RNF34: variants seen among roughly 807,000 people sequenced by gnomAD.
The protein encoded by RNF34 is ring finger protein 34.
RNF34 carries 12 observed loss-of-function variants against 37.9 expected under a neutral mutation model. That is an observed-to-expected ratio of 0.32 (90% CI 0.20 to 0.51). The LOEUF (loss-of-function observed/expected upper bound fraction) is 0.51. RNF34 is among the 20% of genes least tolerant of loss of function. The pLI, the probability that RNF34 is intolerant of heterozygous loss-of-function variation, is 0.97. For synonymous variants in RNF34, 155 were observed against 177.2 expected (o/e 0.87, Z 1.00); for missense variants, 362 against 472.7 (o/e 0.77, Z 2.17).
At chr12:121,422,929 C>T (rs1231967875) in intron 5 of RNF34, among the ~76,000 whole-genome samples, 1 of 152,098 alleles carries the variant, frequency 6.6e-6, no homozygotes, top group Non-Finnish European at 1.5e-5. Flanking sequence ...GGAACTAAGG[C>T]TCCTTTTCCT....
intron 5 of RNF34, 38 bp downstream of exon 5, chr12:121,420,816 T>G: frequency 2.0e-6 from 3 of 1,509,394 alleles, no homozygotes; most frequent in Non-Finnish European, 2.7e-6. Flanking sequence ...GTAGTATTTT[T>G]CCTTAGGCTT....
intron 5 of RNF34, among the ~76,000 whole-genome samples, chr12:121,421,671 AT>A (rs1385786933): frequency 6.6e-6 from 1 of 152,152 alleles, no homozygotes; most frequent in Non-Finnish European, 1.5e-5. Flanking sequence ...AGTTGTATTT[AT>A]TTTTTTCTTT....
intron 5 of RNF34, among the ~76,000 whole-genome samples, chr12:121,421,620 G>A (rs757030775): frequency 1.9e-4 from 29 of 152,046 alleles, no homozygotes; most frequent in Admixed American, 5.2e-4. Context: ...CTGGTAACAC[G>A]ATCAAGCCAC....
At chr12:121,420,068 C>T in intron 3 of RNF34, 174 bp from the exon 4 acceptor site, 1 of 547,202 alleles carries the variant, frequency 1.8e-6, no homozygotes. Flanking sequence ...AAGGTAGGTT[C>T]TTCATGCAAT....
At chr12:121,402,771 A>C in intron 1 of RNF34, 1 of 1,608,614 alleles carries the variant, frequency 6.2e-7, no homozygotes, top group Non-Finnish European at 8.5e-7. Context: ...GATCAAGTAT[A>C]CTGTTAAAAG....
intron 1 of RNF34, 32 bp downstream of exon 1, chr12:121,400,250 C>G: frequency 6.2e-7 from 1 of 1,605,044 alleles, no homozygotes; most frequent in Non-Finnish European, 8.5e-7. Context: ...ACAGACCCTC[C>G]TCGCCAATCC....
rs1555279796 is a variant in RNF34 at position 121,400,125 on chromosome 12, G to C, written c.-88G>C. On this transcript the variant is annotated 5_prime_UTR_variant, in exon 1 of 6. Transcript: ENST00000361234. ...CGCCTCCCGGGGCGCGGTAATCACCGCCCAGAGGGAAGGAGGTCGGCAGTG... is the reference window on the plus strand; with the variant it reads ...CGCCTCCCGGGGCGCGGTAATCACCCCCCAGAGGGAAGGAGGTCGGCAGTG... 1 of 1,493,790 alleles carries C rather than the reference G, an allele frequency of 6.7e-7. No individual in the cohort carries two copies. Among genetic ancestry groups the C allele is most frequent in the East Asian group, 2.5e-5 (1 of 40,472 alleles). 92.5% of individuals were successfully genotyped at this position (1,493,790 alleles called of 1,614,324 possible).
Position 121,417,599 on chromosome 12 carries a change from G to A in RNF34, c.321G>A (p.Glu107=). The A allele has an allele frequency of 1.2e-6, 2 of 1,614,216 alleles. No homozygotes were observed. The highest frequency in any genetic ancestry group is 1.1e-5 in the South Asian group (1 of 91,090). ...RRCSTCHLLQ[E]TAFQRPQLMR... ...GTTCTACTTGTCACTTATTACAAGAGACAGCATTTCAGCGCCCTCAGTTAA... is the reference window on the plus strand; with the variant it reads ...GTTCTACTTGTCACTTATTACAAGAAACAGCATTTCAGCGCCCTCAGTTAA... Residue 107 remains glutamate, a synonymous_variant, in exon 3 of 6, where the codon GAG becomes GAA. Coordinates refer to ENST00000361234, the MANE Select transcript of RNF34 (RefSeq NM_025126.4). The surrounding 1 kb of genome is among the most constrained non-coding windows in gnomAD (Gnocchi z 5.0).
chr12:121,420,232 A>C lies in RNF34; in HGVS notation c.634-10A>C. The stretch of plus-strand genomic sequence containing the variant: ...TTCCTGACCTAATCAGATACGTTGT[A>C]TAAGTGTAGGTACAAAGTGAAATCA... On this transcript the variant is annotated splice_polypyrimidine_tract_variant and intron_variant, in intron 3 of 5. Coordinates refer to ENST00000361234, the MANE Select transcript of RNF34 (RefSeq NM_025126.4). The C allele has an allele frequency of 6.2e-7, 1 of 1,609,514 alleles. No homozygotes were observed. Among genetic ancestry groups the C allele is most frequent in the African/African-American group, 1.3e-5 (1 of 74,908 alleles).
chr12:121,401,460 G>A lies in RNF34; in HGVS notation c.6+1242G>A, dbSNP rs564026513. The stretch of plus-strand genomic sequence containing the variant: ...TTTTGGAATAGGTAACTTTGGAACT[G>A]TGCCTTGAAGTATGAGGATATTGTA... On this transcript the variant is annotated intron_variant, in intron 1 of 5. Transcript: ENST00000361234. Among the ~76,000 whole-genome samples the A allele has an allele frequency of 4.0e-5, 6 of 151,134 alleles. No individual in the cohort carries two copies. The East Asian group carries it at 9.7e-4, about 24-fold the overall frequency.
chr12:121,418,155 T>A (rs1050469316), intron 3 of RNF34: 7 of 507,860 alleles, frequency 1.4e-5, no homozygotes, highest in African/African-American at 1.3e-4. Flanking sequence ...CTCTTGGCCT[T>A]AGTTAATTTC....
intron 3 of RNF34, 50 bp from the exon 4 acceptor site, chr12:121,420,192 A>G (rs1871988375): frequency 6.4e-7 from 1 of 1,571,548 alleles, no homozygotes; most frequent in Non-Finnish European, 8.7e-7. Flanking sequence ...TTCTCTAGTG[A>G]TAAATACAGA....
At chr12:121,409,855 G>A (rs1870878208) in intron 1 of RNF34, 1 of 152,170 alleles carries the variant, frequency 6.6e-6, no homozygotes, top group South Asian at 2.1e-4. Flanking sequence ...TAAAATGAAT[G>A]TAAAGAAATT....
At position 121,417,447 on chromosome 12, in the gene RNF34, C is replaced by A; in HGVS notation, c.226-57C>A. On this transcript the variant is annotated intron_variant, in intron 2 of 5. Transcript: ENST00000361234. The surrounding 1 kb of genome is among the most constrained non-coding windows in gnomAD (Gnocchi z 5.0). ...ATTTTAGTAGAAGGCAGAAAGAAAA[C>A]TCATGCTTTCATAATGGTTTATATC... 6.8e-7 allele frequency: 1 copy of A among 1,466,762 alleles called. No homozygotes were observed. Among genetic ancestry groups the A allele is most frequent in the Non-Finnish European group, 9.2e-7 (1 of 1,084,934 alleles). The allele number at this position is 1,466,762 out of a possible 1,614,324, so 90.9% of individuals were successfully genotyped here.
intron 3 of RNF34, 144 bp downstream of exon 3, chr12:121,418,055 C>G: frequency 4.6e-6 from 4 of 876,530 alleles, no homozygotes; most frequent in Non-Finnish European, 5.2e-6. Flanking sequence ...GAACTCTGCA[C>G]TTAAAGGCTG....
Position 121,417,649 on chromosome 12 carries a change from G to A in RNF34, c.371G>A (p.Arg124Gln), listed in dbSNP as rs1318904430. ...QLMRLKVKDL[R>Q]QYLILRNIPI... ...ATGCGACTGAAGGTGAAGGACCTGCGGCAGTATCTCATTCTGAGAAATATA... is the reference window on the plus strand; with the variant it reads ...ATGCGACTGAAGGTGAAGGACCTGCAGCAGTATCTCATTCTGAGAAATATA... Residue 124 changes from arginine (R) to glutamine (Q), a missense_variant, in exon 3 of 6, where the codon CGG (arginine) becomes CAG (glutamine). Transcript: ENST00000361234. The surrounding 1 kb of genome is among the most constrained non-coding windows in gnomAD (Gnocchi z 5.0). 6 of 1,613,980 alleles carry A rather than the reference G, an allele frequency of 3.7e-6. No homozygotes were observed. The highest frequency in any genetic ancestry group is 4.5e-5 in the East Asian group (2 of 44,894).
At chr12:121,409,577 T>C (rs1483369193) in intron 1 of RNF34, 3 of 152,060 alleles carry the variant, frequency 2.0e-5, no homozygotes, top group Non-Finnish European at 2.9e-5. Context: ...CCCAGGGAGT[T>C]TTCAAAAAAA....
At chr12:121,420,515 G>A in intron 4 of RNF34, 62 bp from the exon 5 acceptor site, 3 of 1,590,262 alleles carry the variant, frequency 1.9e-6, no homozygotes, top group Middle Eastern at 1.7e-4. Flanking sequence ...CCAGTGATGA[G>A]TTTAGAGTGG....
At chr12:121,406,637 G>A (rs1176588076) in intron 1 of RNF34, among the ~76,000 whole-genome samples, 2 of 152,172 alleles carry the variant, frequency 1.3e-5, no homozygotes, top group Non-Finnish European at 2.9e-5. Flanking sequence ...TATAAGCCAG[G>A]CAGACCATGG....
Sources: allele counts gnomAD v4.1 joint callset (sites outside exome capture counted in the v4.1 genomes callset), GRCh38; gene constraint gnomAD v4.1.1; non-coding constraint Gnocchi (gnomAD v3.1); transcripts MANE v1.5; gene names NCBI Gene and HGNC (gene_info 2026-07-23, HGNC 2026-07-21).